The following GPBP1L1 variants were observed in gnomAD, a reference collection of about 807,000 sequenced individuals.
GPBP1L1 encodes GC-rich promoter binding protein 1 like 1.
GPBP1L1 carries 23 observed loss-of-function variants against 52.5 expected under a neutral mutation model. That is an observed-to-expected ratio of 0.44 (90% CI 0.32 to 0.62). The LOEUF is 0.62. GPBP1L1 is among the 20% of genes least tolerant of loss of function. GPBP1L1 has a pLI of 0.06. For synonymous variants in GPBP1L1, 243 were observed against 203.1 expected, an observed-to-expected ratio of 1.20 and a Z score of -1.67; for missense variants, 596 against 579.3, an observed-to-expected ratio of 1.03 and a Z score of -0.30.
intron 2 of GPBP1L1, among the ~76,000 whole-genome samples, chr1:45,664,838 C>A (rs1007289733): frequency 6.6e-6 from 1 of 151,962 alleles, no homozygotes; most frequent in Non-Finnish European, 1.5e-5. Context: ...ACCACCACAC[C>A]CGGTTAATTT....
At position 45,654,549 on chromosome 1, in the gene GPBP1L1, C is replaced by T; in HGVS notation, c.471G>A (p.Glu157=). Residue 157 remains glutamate, a synonymous_variant, in exon 6 of 13, where the codon GAG becomes GAA. Transcript: ENST00000355105. ...DKVEKLQFEE[E]DFPSLNPEAG... Reference sequence around the variant, plus strand: ...TCTAAAGATTCATACTTACAAAGTCCTCCTCTTCAAACTGCAACTTTTCCA... The same window carrying T: ...TCTAAAGATTCATACTTACAAAGTCTTCCTCTTCAAACTGCAACTTTTCCA... 6.2e-7 allele frequency: 1 copy of T among 1,608,726 alleles called. No homozygotes were observed. Among genetic ancestry groups the T allele is most frequent in the Non-Finnish European group, 8.5e-7 (1 of 1,175,938 alleles).
chr1:45,677,643 T>C (rs2148515064), intron 2 of GPBP1L1, among the ~76,000 whole-genome samples: 1 of 152,324 alleles, frequency 6.6e-6, no homozygotes, highest in African/African-American at 2.4e-5. Flanking sequence ...ATTGTATTTC[T>C]ATCACAAATT....
At chr1:45,668,505 T>C (rs1012421649) in intron 2 of GPBP1L1, among the ~76,000 whole-genome samples, 3 of 152,020 alleles carry the variant, frequency 2.0e-5, no homozygotes, top group Non-Finnish European at 4.4e-5. Context: ...AATACAAGAA[T>C]TAGCCGGGCA....
intron 2 of GPBP1L1, among the ~76,000 whole-genome samples, chr1:45,673,367 T>C (rs1354317583): frequency 6.6e-6 from 1 of 152,126 alleles, no homozygotes; most frequent in Non-Finnish European, 1.5e-5. Flanking sequence ...ACTACAGAGA[T>C]ACAGCAGAGC....
intron 2 of GPBP1L1, among the ~76,000 whole-genome samples, chr1:45,662,459 T>C (rs182587288): frequency 1.3e-5 from 2 of 152,294 alleles, no homozygotes; most frequent in African/African-American, 2.4e-5. Context: ...AAATAATTTT[T>C]TGATAGAAAA....
intron 6 of GPBP1L1, among the ~76,000 whole-genome samples, chr1:45,645,452 G>A (rs995662675): frequency 6.6e-6 from 1 of 152,124 alleles, no homozygotes. Flanking sequence ...ATATTTAATT[G>A]CTTTATTCCA....
chr1:45,680,301 C>G (rs1413729434), intron 2 of GPBP1L1, among the ~76,000 whole-genome samples: 1 of 146,466 alleles, frequency 6.8e-6, no homozygotes, highest in South Asian at 2.1e-4. Context: ...TTCAATGGCA[C>G]AGTCTTGGCT....
At chr1:45,655,423 G>A (rs1557708815) in intron 4 of GPBP1L1, 104 bp from the exon 5 acceptor site, 1 of 1,294,074 alleles carries the variant, frequency 7.7e-7, no homozygotes, top group East Asian at 2.3e-5. Flanking sequence ...AGTAATAATG[G>A]TGATAGAAAC....
Position 45,654,573 on chromosome 1 carries a change from C to T in GPBP1L1, c.447G>A (p.Val149=), listed in dbSNP as rs779169559. Residue 149 remains valine (V), a synonymous_variant, in exon 6 of 13, where the codon GTG becomes GTA. Transcript: ENST00000355105. ...CCTCCTCTTCAAACTGCAACTTTTC[C>T]ACCTTGTCTTCTTTCTTTTCTTCCC... ...EIREEKKEDK[V]EKLQFEEEDF... The T allele has an allele frequency of 3.1e-6, 5 of 1,611,496 alleles. No homozygotes were observed. In the African/African-American group the frequency reaches 5.3e-5, roughly 17 times the overall value.
intron 7 of GPBP1L1, 114 bp downstream of exon 7, chr1:45,642,313 G>A: frequency 1.3e-6 from 1 of 753,202 alleles, no homozygotes; most frequent in Non-Finnish European, 2.3e-6. Context: ...AGTTACCATG[G>A]GCAAATGCAT....
At chr1:45,629,424 A>C in intron 12 of GPBP1L1, 152 bp downstream of exon 12, 2 of 566,596 alleles carry the variant, frequency 3.5e-6, no homozygotes. Flanking sequence ...AGGCAGATTT[A>C]GGGGCCCCAC....
intron 2 of GPBP1L1, among the ~76,000 whole-genome samples, chr1:45,662,024 T>C (rs1019320834): frequency 1.3e-5 from 2 of 152,346 alleles, no homozygotes; most frequent in Middle Eastern, 6.8e-3. Context: ...ATATGGTATA[T>C]ATTTTTAGAT....
intron 6 of GPBP1L1, chr1:45,650,941 CAT>C (rs1489350016): frequency 3.2e-6 from 1 of 307,746 alleles, no homozygotes; most frequent in Non-Finnish European, 6.5e-6. Context: ...AAGTTAATTA[CAT>C]ATTATTCATC....
chr1:45,629,457 C>CG (rs900597547), intron 12 of GPBP1L1, 119 bp downstream of exon 12: 3 of 93,908 alleles, frequency 3.2e-5, no homozygotes, highest in Non-Finnish European at 4.9e-5. Context: ...AAGGTAATCC[C>CG]CCCCCCCCCC....
At chr1:45,643,314 G>C (rs1644697292) in intron 6 of GPBP1L1, among the ~76,000 whole-genome samples, 1 of 152,188 alleles carries the variant, frequency 6.6e-6, no homozygotes, top group South Asian at 2.1e-4. Flanking sequence ...GGCAAAGCAG[G>C]CAAGAGCCAG....
intron 2 of GPBP1L1, among the ~76,000 whole-genome samples, chr1:45,673,207 G>A (rs1645095560): frequency 6.6e-6 from 1 of 152,126 alleles, no homozygotes; most frequent in Admixed American, 6.5e-5. Flanking sequence ...AGAACACGTG[G>A]GTACTAATGC....
intron 2 of GPBP1L1, among the ~76,000 whole-genome samples, chr1:45,665,048 G>C (rs1322624798): frequency 2.0e-5 from 3 of 151,396 alleles, no homozygotes; most frequent in Non-Finnish European, 4.4e-5. Flanking sequence ...TAGCACTTTG[G>C]GAGGCCAAGG....
rs187988289 is a variant in GPBP1L1 at position 45,660,824 on chromosome 1, T to C, written c.-696A>G. The C allele has an allele frequency of 6.6e-6, 1 of 152,340 alleles. No homozygotes were observed. The highest frequency in any genetic ancestry group is 1.9e-4 in the East Asian group (1 of 5,190). 9.4% of individuals were successfully genotyped at this position (152,340 alleles called of 1,614,324 possible). ...AAAATCTAGGGACATAAATCTTGTC[T>C]TTGTTAAAAAAAAATAAAAAATAAA... On this transcript the variant is annotated 5_prime_UTR_variant, in exon 3 of 13. Coordinates refer to ENST00000355105, the MANE Select transcript of GPBP1L1 (RefSeq NM_021639.5).
chr1:45,680,357 G>C (rs1326810972), intron 2 of GPBP1L1, among the ~76,000 whole-genome samples: 1 of 150,570 alleles, frequency 6.6e-6, no homozygotes, highest in Non-Finnish European at 1.5e-5. Context: ...TAGTGCCTCA[G>C]CCTCCAGAGC....
Sources: allele counts gnomAD v4.1 joint callset (sites outside exome capture counted in the v4.1 genomes callset), GRCh38; gene constraint gnomAD v4.1.1; transcripts MANE v1.5; gene names NCBI Gene and HGNC (gene_info 2026-07-23, HGNC 2026-07-21).